Variants in RGSL1 observed in about 807,000 individuals in gnomAD.
RGSL1 encodes regulator of G protein signaling protein-like.
RGSL1 carries 97 observed loss-of-function variants against 124.7 expected under a neutral mutation model. The ratio of observed to expected loss-of-function variants is 0.78; its 90% CI spans 0.66 to 0.92. RGSL1 has a LOEUF of 0.92. Among genes scored for constraint, RGSL1 ranks in the 40% least tolerant of loss-of-function variants. The pLI, the probability that RGSL1 is intolerant of heterozygous loss-of-function variation, is 0.00. For synonymous variants in RGSL1, 424 were observed against 438.1 expected, an observed-to-expected ratio of 0.97 and a Z score of 0.40; for missense variants, 1,233 against 1,288.4, an observed-to-expected ratio of 0.96 and a Z score of 0.66.
Position 182,465,597 on chromosome 1 carries a change from A to C in RGSL1, c.301+5464A>C, listed in dbSNP as rs543856697. Among the ~76,000 whole-genome samples, 17 of 152,188 alleles carry C rather than the reference A, an allele frequency of 1.1e-4. 1 individual carries two copies. The highest frequency in any genetic ancestry group is 3.6e-4 in the African/African-American group (15 of 41,522). On this transcript the variant is annotated intron_variant, in intron 4 of 21. Coordinates refer to ENST00000294854, the MANE Select transcript of RGSL1 (RefSeq NM_001137669.2). ...TGCACATTGTGCACATGTACCCTAGAACTTAAAATATAATAATAATAATAA... is the reference window on the plus strand; with the variant it reads ...TGCACATTGTGCACATGTACCCTAGCACTTAAAATATAATAATAATAATAA...
intron 6 of RGSL1, among the ~76,000 whole-genome samples, chr1:182,476,514 C>T (rs2102049831): frequency 6.6e-6 from 1 of 152,326 alleles, no homozygotes; most frequent in African/African-American, 2.4e-5. Flanking sequence ...AAGCCCTGTC[C>T]TCTCACCTGT....
chr1:182,547,240 G>T lies in RGSL1; in HGVS notation c.2670-1077G>T, dbSNP rs553680958. Among the ~76,000 whole-genome samples, 4 of 152,342 alleles carry T rather than the reference G, an allele frequency of 2.6e-5. 1 individual carries two copies. In the South Asian group the frequency reaches 8.3e-4, roughly 32 times the overall value. The stretch of plus-strand genomic sequence containing the variant: ...GTTAGGAAGTGTCTCAGGATGATAG[G>T]TGCTATGGGAGAATCAGGCATAGGA... On this transcript the variant is annotated intron_variant, in intron 15 of 21. Transcript: ENST00000294854.
rs1334577034 is a variant in RGSL1 at position 182,474,066 on chromosome 1, A to G, written c.955A>G (p.Ser319Gly). Reference protein sequence around the residue: ...EKDMHYAKISSMENKAKSHLH... With the variant: ...EKDMHYAKISGMENKAKSHLH... ...GGATATGCATTATGCAAAAATATCC[A>G]GCATGGAGAATAAAGCCAAGAGCCA... The change falls in exon 6 of 22, where the codon AGC becomes GGC. Residue 319 changes from serine (S) to glycine (G), a missense_variant. By Grantham distance (56) the Ser-to-Gly change is moderately conservative. Transcript: ENST00000294854. 1.3e-6 allele frequency: 2 copies of G among 1,551,692 alleles called. No individual in the cohort carries two copies. The highest frequency in any genetic ancestry group is 1.7e-6 in the Non-Finnish European group (2 of 1,147,018).
chr1:182,477,127 C>T (rs1654350995), intron 6 of RGSL1, among the ~76,000 whole-genome samples: 1 of 152,128 alleles, frequency 6.6e-6, no homozygotes, highest in African/African-American at 2.4e-5. Flanking sequence ...AGCTTTGGGA[C>T]CCAAGTTGGA....
chr1:182,457,850 C>G (rs1428592118), intron 2 of RGSL1, among the ~76,000 whole-genome samples: 2 of 152,160 alleles, frequency 1.3e-5, no homozygotes, highest in South Asian at 2.1e-4. Context: ...CTCAATGCCT[C>G]CCTGTGTAAT....
chr1:182,544,813 G>T (rs1660109512), intron 15 of RGSL1, among the ~76,000 whole-genome samples: 1 of 151,890 alleles, frequency 6.6e-6, no homozygotes, highest in African/African-American at 2.4e-5. Flanking sequence ...AGCTATCCCA[G>T]CTCTTTTTTT....
chr1:182,511,000 G>C (rs764944783), intron 9 of RGSL1, among the ~76,000 whole-genome samples: 4 of 152,022 alleles, frequency 2.6e-5, no homozygotes, highest in Non-Finnish European at 5.9e-5. Flanking sequence ...TACACAAAAA[G>C]TCTTTGCCCA....
intron 15 of RGSL1, among the ~76,000 whole-genome samples, chr1:182,542,766 T>C (rs1035869666): frequency 6.6e-6 from 1 of 152,134 alleles, no homozygotes; most frequent in Non-Finnish European, 1.5e-5. Context: ...TATATATTTT[T>C]CAGTTCTTTG....
intron 4 of RGSL1, 51 bp downstream of exon 4, chr1:182,460,184 GTA>G (rs150523365): frequency 8.1e-7 from 1 of 1,238,796 alleles, no homozygotes; most frequent in Non-Finnish European, 1.1e-6. Context: ...GTGTGTGTGT[GTA>G]GAAATATAGG....
At chr1:182,501,414 G>A (rs1363708298) in intron 9 of RGSL1, among the ~76,000 whole-genome samples, 6 of 133,156 alleles carry the variant, frequency 4.5e-5, no homozygotes, top group Non-Finnish European at 9.3e-5. Flanking sequence ...CATCTCCCAG[G>A]TTCAAGCAAT....
intron 14 of RGSL1, among the ~76,000 whole-genome samples, chr1:182,536,961 GTGTC>G (rs1220878884): frequency 6.6e-6 from 1 of 152,180 alleles, no homozygotes; most frequent in Non-Finnish European, 1.5e-5. Flanking sequence ...TTTTAGTGAA[GTGTC>G]TGTCCGTATC....
At chr1:182,516,725 A>T (rs1007005118) in intron 9 of RGSL1, among the ~76,000 whole-genome samples, 11 of 152,046 alleles carry the variant, frequency 7.2e-5, no homozygotes, top group Non-Finnish European at 7.4e-5. Context: ...AAATATTTTT[A>T]AAAAATTTTT....
At chr1:182,509,661 C>T (rs1350793328) in intron 9 of RGSL1, among the ~76,000 whole-genome samples, 14 of 128,316 alleles carry the variant, frequency 1.1e-4, no homozygotes, top group South Asian at 1.0e-3. Flanking sequence ...GCTGGCCGGG[C>T]GGGGGGCTGA....
At chr1:182,488,563 A>G (rs1204733651) in intron 7 of RGSL1, 4 of 498,228 alleles carry the variant, frequency 8.0e-6, no homozygotes, top group African/African-American at 2.0e-5. Flanking sequence ...CGTCTCTACT[A>G]AAAATACAAA....
At chr1:182,518,980 C>G (rs1251761175) in intron 9 of RGSL1, among the ~76,000 whole-genome samples, 4 of 149,552 alleles carry the variant, frequency 2.7e-5, no homozygotes, top group African/African-American at 1.0e-4. Flanking sequence ...ATTTCTTTTT[C>G]TTTCCTTTTA....
chr1:182,481,059 G>A (rs952661027), intron 6 of RGSL1, among the ~76,000 whole-genome samples: 2 of 151,744 alleles, frequency 1.3e-5, no homozygotes, highest in African/African-American at 4.8e-5. Flanking sequence ...AGAAAAAGAA[G>A]AACTAAACCT....
chr1:182,551,353 G>A, intron 18 of RGSL1, 144 bp downstream of exon 18: 2 of 655,192 alleles, frequency 3.1e-6, no homozygotes, highest in Non-Finnish European at 5.3e-6. Flanking sequence ...CCCTCAGGGA[G>A]ACAGAGCACT....
intron 15 of RGSL1, among the ~76,000 whole-genome samples, chr1:182,542,562 C>T (rs555904869): frequency 1.1e-4 from 14 of 129,604 alleles, no homozygotes; most frequent in Non-Finnish European, 1.7e-4. Flanking sequence ...TTTGTGGTTC[C>T]GTGTAAATTT....
intron 3 of RGSL1, 114 bp from the exon 4 acceptor site, chr1:182,459,890 C>A: frequency 1.6e-6 from 2 of 1,280,012 alleles, no homozygotes; most frequent in Non-Finnish European, 1.1e-6. Flanking sequence ...ACACACCTAT[C>A]CTTCTGGCCA....
Sources: allele counts gnomAD v4.1 joint callset (sites outside exome capture counted in the v4.1 genomes callset), GRCh38; gene constraint gnomAD v4.1.1; transcripts MANE v1.5; gene names NCBI Gene and HGNC (gene_info 2026-07-23, HGNC 2026-07-21).